The following CBFA2T3 variants were observed in gnomAD, a reference collection of about 807,000 sequenced individuals.
CBFA2T3 encodes the protein CBFA2/RUNX1 partner transcriptional co-repressor 3.
In CBFA2T3, 31 loss-of-function variants were observed where a neutral mutation model predicts 58.6. The observed-to-expected ratio is 0.53, with a 90% CI of 0.40 to 0.71. CBFA2T3 has a LOEUF of 0.71. Ranked by LOEUF, CBFA2T3 falls within the 30% of genes least tolerant of loss-of-function variation. The probability of loss-of-function intolerance (pLI) is 0.00; values close to 1 mark genes in which losing one functional copy is unlikely to be tolerated. For synonymous variants in CBFA2T3, 531 were observed against 421.9 expected (o/e 1.26, Z -3.17); for missense variants, 1,076 against 963.1 (o/e 1.12, Z -1.55).
rs757976180 is a variant in CBFA2T3 at position 88,892,010 on chromosome 16, G to A, written c.622-39C>T. 33 of 1,544,462 alleles carry A rather than the reference G, an allele frequency of 2.1e-5. No individual in the cohort carries two copies. The Middle Eastern group carries it at 7.1e-4, about 33-fold the overall frequency. ...AACCCACCTCACATCAGCACCGCTC[G>A]GCATGTGAGCCAGCGCCGACCCACC... is the stretch of plus-strand genomic sequence containing the variant. On this transcript the variant is annotated intron_variant, in intron 4 of 11. Coordinates refer to ENST00000268679, the MANE Select transcript of CBFA2T3 (RefSeq NM_005187.6).
intron 5 of CBFA2T3, among the ~76,000 whole-genome samples, chr16:88,889,399 G>T (rs1250606356): frequency 7.1e-6 from 1 of 140,664 alleles, no homozygotes; most frequent in Non-Finnish European, 1.6e-5. Flanking sequence ...AGCAGAGGAG[G>T]CAGGGGCGGG....
intron 1 of CBFA2T3, among the ~76,000 whole-genome samples, chr16:88,935,360 C>T (rs533285641): frequency 3.9e-5 from 6 of 152,196 alleles, no homozygotes; most frequent in Non-Finnish European, 7.3e-5. Flanking sequence ...GTGAGAGCCC[C>T]CCACCACCTG....
intron 1 of CBFA2T3, among the ~76,000 whole-genome samples, chr16:88,941,388 G>GACT (rs1464253935): frequency 6.9e-6 from 1 of 145,224 alleles, no homozygotes; most frequent in African/African-American, 2.5e-5. Context: ...CTCCGCCTCC[G>GACT]CCTCCTGCCC....
intron 1 of CBFA2T3, among the ~76,000 whole-genome samples, chr16:88,945,597 G>A (rs1479781399): frequency 6.6e-6 from 1 of 152,212 alleles, no homozygotes; most frequent in African/African-American, 2.4e-5. Context: ...CCACTAGAGA[G>A]TGGGTCAGCA....
chr16:88,962,649 G>T (rs1420578996), intron 1 of CBFA2T3, among the ~76,000 whole-genome samples: 1 of 152,244 alleles, frequency 6.6e-6, no homozygotes, highest in African/African-American at 2.4e-5. Context: ...CCACGTTTCG[G>T]GGGGAGACAG....
chr16:88,933,802 C>T (rs530398697), intron 1 of CBFA2T3, among the ~76,000 whole-genome samples: 3 of 152,176 alleles, frequency 2.0e-5, no homozygotes, highest in Non-Finnish European at 2.9e-5. Flanking sequence ...GCCATAGTGG[C>T]CACTTCATGC....
intron 1 of CBFA2T3, among the ~76,000 whole-genome samples, chr16:88,906,086 C>A (rs548829414): frequency 6.6e-6 from 1 of 152,076 alleles, no homozygotes; most frequent in Non-Finnish European, 1.5e-5. Context: ...CACTCTCCGC[C>A]ATCACTCGAA....
rs570499459 is a variant in CBFA2T3, at chr16:88,952,270, C to T, written c.151+24387G>A. Among the ~76,000 whole-genome samples the T allele has an allele frequency of 4.6e-5, 7 of 152,336 alleles. No homozygotes were observed. In the East Asian group the frequency reaches 7.7e-4, roughly 17 times the overall value. Reference sequence around the variant, plus strand: ...CTATCATTGCTGGAGCCAGGACACCCGGGGAGGCTGTGCCAGGCCACGGGG... The same window carrying T: ...CTATCATTGCTGGAGCCAGGACACCTGGGGAGGCTGTGCCAGGCCACGGGG... On this transcript the variant is annotated intron_variant, in intron 1 of 11. Coordinates refer to ENST00000268679, the MANE Select transcript of CBFA2T3 (RefSeq NM_005187.6).
chr16:88,909,258 T>C (rs1260202973), intron 1 of CBFA2T3, among the ~76,000 whole-genome samples: 9 of 152,228 alleles, frequency 5.9e-5, no homozygotes, highest in Non-Finnish European at 1.0e-4. Flanking sequence ...GGACGGGCTC[T>C]GGACCCAGAA....
At chr16:88,976,207 C>G (rs7202173) in intron 1 of CBFA2T3, among the ~76,000 whole-genome samples, 103,005 of 152,132 alleles carry the variant, frequency 0.68, 35,204 homozygotes, top group Non-Finnish European at 0.72. Context: ...TCCTCCTCAC[C>G]GGGGTCTTGG....
In CBFA2T3 at chr16:88,875,055, A is replaced by G. The variant is rs1390315248; in HGVS notation, c.*1921T>C. 3.0e-5 allele frequency: 7 copies of G among 235,172 alleles called. No homozygotes were observed. The South Asian group carries it at 4.7e-4, about 16-fold the overall frequency. The allele number at this position is 235,172 out of a possible 1,614,324, so 14.6% of individuals were successfully genotyped here. A position where few individuals can be genotyped will look rare whatever the true frequency, so the allele number is the denominator to read the frequency against. ...TTCCTAGAACTCCTGATAGCCACGC[A>G]CACAGATGCCAGGCCACGGGCCACG... On this transcript the variant is annotated 3_prime_UTR_variant, in exon 12 of 12. Transcript: ENST00000268679.
chr16:88,891,845 G>C, intron 5 of CBFA2T3, 37 bp downstream of exon 5: 1 of 1,464,496 alleles, frequency 6.8e-7, no homozygotes, highest in South Asian at 1.1e-5. Context: ...GCCTTCTAGG[G>C]AGGCTCCCGC....
chr16:88,927,910 C>T (rs1437797144), intron 1 of CBFA2T3, among the ~76,000 whole-genome samples: 3 of 152,218 alleles, frequency 2.0e-5, no homozygotes, highest in South Asian at 2.1e-4. Flanking sequence ...TCAGAAAAGC[C>T]GCAGATGCTG....
Position 88,885,468 on chromosome 16 carries a change from T to G in CBFA2T3, c.894-199A>C, listed in dbSNP as rs74739657. The stretch of plus-strand genomic sequence containing the variant: ...CTCTCTGCCCCTCTGCCGGGGCCCA[T>G]GCCAGCCTCAACCCCTGCTCCAGCT... On this transcript the variant is annotated intron_variant, in intron 6 of 11. Transcript: ENST00000268679. This position sits in a 1 kb window ranked among gnomAD's most constrained non-coding sequence, Gnocchi z 5.3. Among the ~76,000 whole-genome samples, 1 of 152,020 alleles carries G rather than the reference T, an allele frequency of 6.6e-6. No individual in the cohort carries two copies. Among genetic ancestry groups the G allele is most frequent in the Non-Finnish European group, 1.5e-5 (1 of 67,976 alleles).
rs560640430 is a variant in CBFA2T3, at chr16:88,968,440, G to C, written c.151+8217C>G. On this transcript the variant is annotated intron_variant, in intron 1 of 11. Transcript: ENST00000268679. Reference sequence around the variant, plus strand: ...AGGACAAGCCTCACGGCTCCTGGCAGTGGGGACAGAGCCAGGCCCAGCCTC... The same window carrying C: ...AGGACAAGCCTCACGGCTCCTGGCACTGGGGACAGAGCCAGGCCCAGCCTC... Among the ~76,000 whole-genome samples, 16 of 152,380 alleles carry C rather than the reference G, an allele frequency of 1.1e-4. No individual in the cohort carries two copies. The South Asian group carries it at 3.3e-3, about 32-fold the overall frequency.
intron 1 of CBFA2T3, among the ~76,000 whole-genome samples, chr16:88,934,254 C>A (rs1037231796): frequency 6.6e-6 from 1 of 151,614 alleles, no homozygotes; most frequent in Non-Finnish European, 1.5e-5. Flanking sequence ...CATGGAGGCA[C>A]GGGCGAGAAG....
intron 5 of CBFA2T3, among the ~76,000 whole-genome samples, chr16:88,888,072 C>T (rs1350459235): frequency 6.6e-6 from 1 of 152,118 alleles, no homozygotes; most frequent in East Asian, 1.9e-4. Context: ...CTGGCCGAGA[C>T]AGACTCCGGG....
chr16:88,957,111 C>T (rs1018790400), intron 1 of CBFA2T3, among the ~76,000 whole-genome samples: 4 of 152,254 alleles, frequency 2.6e-5, no homozygotes, highest in Admixed American at 1.3e-4. Context: ...CTTCAGGCCC[C>T]AGAGGTTATG....
intron 5 of CBFA2T3, among the ~76,000 whole-genome samples, chr16:88,890,429 A>G (rs929806266): frequency 1.3e-5 from 2 of 152,214 alleles, no homozygotes; most frequent in Non-Finnish European, 2.9e-5. Flanking sequence ...TGGAGCCCAC[A>G]GCAGTACGGG....
Sources: allele counts gnomAD v4.1 joint callset (sites outside exome capture counted in the v4.1 genomes callset), GRCh38; gene constraint gnomAD v4.1.1; non-coding constraint Gnocchi (gnomAD v3.1); transcripts MANE v1.5; gene names NCBI Gene and HGNC (gene_info 2026-07-23, HGNC 2026-07-21).